Variants in BRD7 observed in about 807,000 individuals in gnomAD.
BRD7 encodes the protein bromodomain-containing protein 7.
A neutral mutation model predicts 82.1 loss-of-function variants in BRD7; 15 were observed. That is an observed-to-expected ratio of 0.18 (90% CI 0.12 to 0.28). BRD7 has a LOEUF of 0.28. Among genes scored for constraint, BRD7 ranks in the 10% least tolerant of loss-of-function variants. The pLI is 1.00. For synonymous variants in BRD7, 232 were observed against 266.9 expected (o/e 0.87, Z 1.27); for missense variants, 638 against 779.9 (o/e 0.82, Z 2.17).
At position 50,321,956 on chromosome 16, in the gene BRD7, T is replaced by C. The variant is rs1301383287; in HGVS notation, c.1500+26A>G. On this transcript the variant is annotated intron_variant, in intron 13 of 16. Transcript: ENST00000394688. ...TCCCCTTATTTTCCATTTAAATATTTCTTGTAAAGTGTAAAATAAAATCAC... is the reference window on the plus strand; with the variant it reads ...TCCCCTTATTTTCCATTTAAATATTCCTTGTAAAGTGTAAAATAAAATCAC... 3 of 1,589,302 alleles carry C rather than the reference T, an allele frequency of 1.9e-6. No individual in the cohort carries two copies. In the African/African-American group the frequency reaches 4.1e-5, roughly 21 times the overall value.
chr16:50,337,915 G>A (rs939656433), intron 6 of BRD7, among the ~76,000 whole-genome samples: 2 of 151,982 alleles, frequency 1.3e-5, no homozygotes, highest in African/African-American at 4.8e-5. Flanking sequence ...GAAAGAGGGA[G>A]AGAGGGAAGG....
intron 3 of BRD7, 65 bp from the exon 4 acceptor site, chr16:50,354,547 A>T: frequency 7.3e-7 from 1 of 1,364,974 alleles, no homozygotes; most frequent in Non-Finnish European, 1.0e-6. Context: ...ATTATTTACT[A>T]GATCATTTTC....
In BRD7 at chr16:50,325,849, A is replaced by G. The variant is rs149901705; in HGVS notation, c.1230T>C (p.Tyr410=). The part of the protein sequence containing the change: ...LYLNYGPYSS[Y]APHYDSTFAN... ...CAAATGTGGAGTCATAATGCGGTGCATAAGAACTGTAGGGCCCATAATTCA... is the reference window on the plus strand; with the variant it reads ...CAAATGTGGAGTCATAATGCGGTGCGTAAGAACTGTAGGGCCCATAATTCA... The change falls in exon 11 of 17, where the codon TAT becomes TAC. Residue 410 remains tyrosine, a synonymous_variant. Coordinates refer to ENST00000394688, the MANE Select transcript of BRD7 (RefSeq NM_013263.5). 5.2e-5 allele frequency: 84 copies of G among 1,610,930 alleles called. No homozygotes were observed. In the African/African-American group the frequency reaches 6.7e-4, roughly 13 times the overall value.
At chr16:50,350,571 A>G (rs962919341) in intron 4 of BRD7, among the ~76,000 whole-genome samples, 1 of 152,216 alleles carries the variant, frequency 6.6e-6, no homozygotes, top group Non-Finnish European at 1.5e-5. Context: ...ACAATCCTCC[A>G]TATTAATTTC....
At chr16:50,339,162 A>G (rs1173157868) in intron 6 of BRD7, among the ~76,000 whole-genome samples, 2 of 152,230 alleles carry the variant, frequency 1.3e-5, no homozygotes, top group Non-Finnish European at 2.9e-5. Flanking sequence ...ATGACTTACT[A>G]TGCACTAATT....
intron 4 of BRD7, among the ~76,000 whole-genome samples, chr16:50,350,650 G>C (rs541871490): frequency 6.6e-6 from 1 of 152,152 alleles, no homozygotes; most frequent in African/African-American, 2.4e-5. Context: ...TCTATCACGT[G>C]TATGTGGGGG....
At chr16:50,331,791 A>G (rs1228385825) in intron 8 of BRD7, among the ~76,000 whole-genome samples, 5 of 152,212 alleles carry the variant, frequency 3.3e-5, no homozygotes, top group Non-Finnish European at 4.4e-5. Flanking sequence ...AATAAACAAA[A>G]TAACTCACAG....
chr16:50,337,907 AAG>A (rs1226017064), intron 6 of BRD7, among the ~76,000 whole-genome samples: 2 of 152,142 alleles, frequency 1.3e-5, no homozygotes, highest in East Asian at 1.9e-4. Flanking sequence ...GAGAGAAAGA[AAG>A]AGGGAGAGAG....
intron 11 of BRD7, 133 bp from the exon 12 acceptor site, chr16:50,323,831 G>A (rs2037221511): frequency 1.6e-6 from 1 of 621,574 alleles, no homozygotes; most frequent in African/African-American, 1.8e-5. Flanking sequence ...GACACAACAT[G>A]GTATCTACAT....
rs1229822992 is a variant in BRD7, at chr16:50,317,138, G to A, written c.*2073C>T. On this transcript the variant is annotated 3_prime_UTR_variant, in exon 17 of 17. Transcript: ENST00000394688. Reference sequence around the variant, plus strand: ...TTTATCAGCCCGAGGAAGGGCAGGTGTATTCTAATTTGCACAAAGGTGCTG... The same window carrying A: ...TTTATCAGCCCGAGGAAGGGCAGGTATATTCTAATTTGCACAAAGGTGCTG... The A allele has an allele frequency of 2.0e-5, 3 of 152,788 alleles. No homozygotes were observed. The highest frequency in any genetic ancestry group is 4.8e-5 in the African/African-American group (2 of 41,442). 9.5% of individuals were successfully genotyped at this position (152,788 alleles called of 1,614,324 possible).
Position 50,336,923 on chromosome 16 carries a change from A to G in BRD7, c.703-2028T>C, listed in dbSNP as rs185111087. ...CAGCACATTATTGATCTTCAATTTT[A>G]CAATATTAAATGGCTAACAGGGCTG... On this transcript the variant is annotated intron_variant, in intron 6 of 16. Coordinates refer to ENST00000394688, the MANE Select transcript of BRD7 (RefSeq NM_013263.5). Among the ~76,000 whole-genome samples, 276 of 152,340 alleles carry G rather than the reference A, an allele frequency of 1.8e-3. 4 individuals are homozygous for G. Among genetic ancestry groups the G allele is most frequent in the Non-Finnish European group, 3.0e-3 (204 of 68,032 alleles).
In BRD7 at chr16:50,360,576, T is replaced by C. The variant is rs372475146; in HGVS notation, c.259-5654A>G. Among the ~76,000 whole-genome samples, 6 of 152,330 alleles carry C rather than the reference T, an allele frequency of 3.9e-5. No homozygotes were observed. In the East Asian group the frequency reaches 9.6e-4, roughly 24 times the overall value. On this transcript the variant is annotated intron_variant, in intron 2 of 16. Transcript: ENST00000394688. ...TGACGCATACCTTTCCCTGGACTCC[T>C]GGAACAAGTTAGTCAAACCTCCCTT...
chr16:50,347,497 A>G (rs1304837763), intron 5 of BRD7, among the ~76,000 whole-genome samples: 2 of 152,324 alleles, frequency 1.3e-5, no homozygotes, highest in South Asian at 2.1e-4. Flanking sequence ...ACATGATTGT[A>G]TATTTAGAAA....
chr16:50,326,414 G>C (rs749599111), intron 9 of BRD7, 23 bp from the exon 10 acceptor site: 3 of 1,497,620 alleles, frequency 2.0e-6, no homozygotes, highest in African/African-American at 1.4e-5. Context: ...ACAGAGCACA[G>C]TGAAGGAGGC....
At position 50,368,847 on chromosome 16, in the gene BRD7, G is replaced by A. The variant is rs2039265895; in HGVS notation, c.-73C>T. ...GCGGCGCCGCTTCCGGTCCGGGCCA[G>A]GCGAGCGGAGGGCGGGAGCGGGGCC... On this transcript the variant is annotated 5_prime_UTR_variant, in exon 1 of 17. Coordinates refer to ENST00000394688, the MANE Select transcript of BRD7 (RefSeq NM_013263.5). The A allele has an allele frequency of 2.7e-6, 3 of 1,118,700 alleles. No homozygotes were observed. Among genetic ancestry groups the A allele is most frequent in the Non-Finnish European group, 1.1e-6 (1 of 895,288 alleles). 69.3% of individuals were successfully genotyped at this position (1,118,700 alleles called of 1,614,324 possible).
Position 50,319,192 on chromosome 16 carries a change from A to T in BRD7, c.*19T>A, listed in dbSNP as rs758180358. 3 of 1,595,360 alleles carry T rather than the reference A, an allele frequency of 1.9e-6. No individual in the cohort carries two copies. In the Admixed American group the frequency reaches 5.1e-5, roughly 27 times the overall value. On this transcript the variant is annotated 3_prime_UTR_variant, in exon 17 of 17. Coordinates refer to ENST00000394688, the MANE Select transcript of BRD7 (RefSeq NM_013263.5). ...ATGAAAAAGTATGTACATAATATAT[A>T]ATCAAATACCAGGCAGCCTCAACTT... is the stretch of plus-strand genomic sequence containing the variant.
At chr16:50,358,124 G>A (rs1360124268) in intron 2 of BRD7, among the ~76,000 whole-genome samples, 1 of 152,168 alleles carries the variant, frequency 6.6e-6, no homozygotes, top group Non-Finnish European at 1.5e-5. Context: ...AACCACCACA[G>A]ATAAAATGTA....
At chr16:50,342,455 CTTTTTTT>C (rs34093559) in intron 5 of BRD7, among the ~76,000 whole-genome samples, 2 of 102,952 alleles carry the variant, frequency 1.9e-5, no homozygotes, top group African/African-American at 3.7e-5. Flanking sequence ...AAGACACTGT[CTTTTTTT>C]TTTTTTTTTT....
chr16:50,344,389 C>A (rs760795931), intron 5 of BRD7, among the ~76,000 whole-genome samples: 9 of 152,120 alleles, frequency 5.9e-5, no homozygotes, highest in African/African-American at 2.2e-4. Flanking sequence ...TTGCCAGCAA[C>A]GGAACAAAGC....
Sources: gnomAD v4.1 joint callset for allele counts (sites outside exome capture counted in the v4.1 genomes callset) on GRCh38, gnomAD v4.1.1 for gene constraint, MANE v1.5 for transcripts, NCBI Gene and HGNC (gene_info 2026-07-23, HGNC 2026-07-21) for gene names.